Variants in WT1 observed in about 807,000 individuals in gnomAD.
The protein encoded by WT1 is WT1 transcription factor, also known as Wilms tumor protein.
Under a neutral mutation model 60.8 loss-of-function variants are expected in WT1, and 8 were observed. That is an observed-to-expected ratio of 0.13 (90% CI 0.08 to 0.24). The LOEUF (loss-of-function observed/expected upper bound fraction) is 0.24, where lower values mean the gene tolerates loss of function less well. Among genes scored for constraint, WT1 ranks in the 10% least tolerant of loss-of-function variants. WT1 has a pLI of 1.00. For missense variants in WT1, 568 were observed against 711.8 expected (o/e 0.80, Z 2.30); for synonymous variants, 312 against 297.1 (o/e 1.05, Z -0.52).
chr11:32,430,491 A>AGAGAGAGAGAGAGGGAGG lies in WT1; in HGVS notation c.662-1873_662-1872insCCTCCCTCTCTCTCTCTC, dbSNP rs757737927. ...GAGAGAGAGAGAGAGAGAGAGAGAG[A>AGAGAGAGAGAGAGGGAGG]CGAAATAGAAGCTACGAAGAAGTTT... On this transcript the variant is annotated intron_variant, in intron 1 of 9. Coordinates refer to ENST00000452863, the MANE Select transcript of WT1 (RefSeq NM_024426.6). 3 of 1,527,770 alleles carry AGAGAGAGAGAGAGGGAGG rather than the reference A, an allele frequency of 2.0e-6. No individual in the cohort carries two copies. The African/African-American group carries it at 4.4e-5, about 22-fold the overall frequency. The allele number at this position is 1,527,770 out of a possible 1,614,324, so 94.6% of individuals were successfully genotyped here. A position where few individuals can be genotyped will look rare whatever the true frequency, so the allele number is the denominator to read the frequency against.
chr11:32,388,702 T>C lies in WT1; in HGVS notation c.*356A>G. 2.6e-6 allele frequency: 1 copy of C among 387,614 alleles called. No individual in the cohort carries two copies. Among genetic ancestry groups the C allele is most frequent in the Non-Finnish European group, 4.8e-6 (1 of 209,624 alleles). The allele number at this position is 387,614 out of a possible 1,614,324, so 24.0% of individuals were successfully genotyped here. On this transcript the variant is annotated 3_prime_UTR_variant, in exon 10 of 10. Coordinates refer to ENST00000452863, the MANE Select transcript of WT1 (RefSeq NM_024426.6). ...CCATGATAGAAAATGGTACAATAAT[T>C]CCATCCCCAGCGAAAACGAGCATAA...
chr11:32,433,307 G>T (rs994747347), intron 1 of WT1, among the ~76,000 whole-genome samples: 1 of 152,226 alleles, frequency 6.6e-6, no homozygotes, highest in Non-Finnish European at 1.5e-5. Context: ...TTCCTCCACA[G>T]GACAGTGATC....
intron 5 of WT1, among the ~76,000 whole-genome samples, chr11:32,411,982 A>G (rs975207751): frequency 6.6e-6 from 1 of 152,228 alleles, no homozygotes; most frequent in African/African-American, 2.4e-5. Context: ...GGCAATGCTG[A>G]TATTCACAGA....
chr11:32,424,937 C>T (rs543108908), intron 3 of WT1, among the ~76,000 whole-genome samples: 7 of 152,194 alleles, frequency 4.6e-5, no homozygotes, highest in Non-Finnish European at 8.8e-5. Flanking sequence ...CAGCACTTTT[C>T]GAGGCCAAGG....
intron 1 of WT1, among the ~76,000 whole-genome samples, chr11:32,431,815 A>G (rs1853322658): frequency 6.6e-6 from 1 of 151,920 alleles, no homozygotes; most frequent in Non-Finnish European, 1.5e-5. Flanking sequence ...ACCCCCACAC[A>G]TGGACTAAGA....
At chr11:32,428,402 C>T (rs1853135672) in intron 2 of WT1, 95 bp downstream of exon 2, 6 of 1,592,676 alleles carry the variant, frequency 3.8e-6, no homozygotes, top group South Asian at 2.2e-5. Context: ...AGATGTCCTC[C>T]TTTGCCTAAT....
At position 32,432,670 on chromosome 11, in the gene WT1, C is replaced by T. The variant is rs139888846; in HGVS notation, c.661+2030G>A. Reference sequence around the variant, plus strand: ...TTTAACTTTTTCTCCATGGCAGCCACGCCTGTATATTACAGAAGAATCCAG... The same window carrying T: ...TTTAACTTTTTCTCCATGGCAGCCATGCCTGTATATTACAGAAGAATCCAG... On this transcript the variant is annotated intron_variant, in intron 1 of 9. Coordinates refer to ENST00000452863, the MANE Select transcript of WT1 (RefSeq NM_024426.6). 3.6e-3 allele frequency among the ~76,000 whole-genome samples: 550 copies of T among 152,232 alleles called. 3 individuals are homozygous for T. Among genetic ancestry groups the T allele is most frequent in the African/African-American group, 0.013 (528 of 41,546 alleles).
intron 3 of WT1, among the ~76,000 whole-genome samples, chr11:32,422,591 G>C (rs765864965): frequency 3.3e-5 from 5 of 152,198 alleles, no homozygotes; most frequent in Non-Finnish European, 7.3e-5. Flanking sequence ...GCCAACCCAA[G>C]TGGTAGATCG....
chr11:32,430,005 A>G (rs563140991), intron 1 of WT1, among the ~76,000 whole-genome samples: 2 of 151,524 alleles, frequency 1.3e-5, no homozygotes, highest in Non-Finnish European at 2.9e-5. Flanking sequence ...AAAGAAAAAA[A>G]AAAAGCTTCT....
chr11:32,428,693 A>G (rs2133076803), intron 1 of WT1, 74 bp from the exon 2 acceptor site: 2 of 1,534,540 alleles, frequency 1.3e-6, no homozygotes, highest in Non-Finnish European at 1.7e-6. Flanking sequence ...TGAACCAGCC[A>G]CGGGCGGGGG....
At chr11:32,404,995 G>A (rs1389374678) in intron 5 of WT1, among the ~76,000 whole-genome samples, 2 of 152,074 alleles carry the variant, frequency 1.3e-5, no homozygotes, top group African/African-American at 2.4e-5. Context: ...TATTCTCCAT[G>A]AATTTCCCGG....
chr11:32,433,806 C>G (rs1275239863), intron 1 of WT1, among the ~76,000 whole-genome samples: 1 of 152,240 alleles, frequency 6.6e-6, no homozygotes, highest in African/African-American at 2.4e-5. Context: ...TGTATCCTGA[C>G]TAAGCACAGC....
chr11:32,401,986 C>A (rs1413027242), intron 5 of WT1, among the ~76,000 whole-genome samples: 2 of 152,144 alleles, frequency 1.3e-5, no homozygotes, highest in African/African-American at 4.8e-5. Flanking sequence ...CAGCCCACTC[C>A]ATCTGGTGTG....
intron 3 of WT1, among the ~76,000 whole-genome samples, chr11:32,423,178 C>G (rs1319837841): frequency 6.6e-6 from 1 of 152,238 alleles, no homozygotes; most frequent in African/African-American, 2.4e-5. Context: ...GACAGAAGAA[C>G]TTTTCCCTGG....
Position 32,435,375 on chromosome 11 carries a change from G to A in WT1, c.-15C>T. Reference sequence around the variant, plus strand: ...AGGAAGTCCAGGATCGCGGCGAGGAGACGGCGGGGCCCGGGCGCCTGGGCT... The same window carrying A: ...AGGAAGTCCAGGATCGCGGCGAGGAAACGGCGGGGCCCGGGCGCCTGGGCT... On this transcript the variant is annotated 5_prime_UTR_variant, in exon 1 of 10. Coordinates refer to ENST00000452863, the MANE Select transcript of WT1 (RefSeq NM_024426.6). 3 of 1,524,286 alleles carry A rather than the reference G, an allele frequency of 2.0e-6. No individual in the cohort carries two copies. The highest frequency in any genetic ancestry group is 2.6e-6 in the Non-Finnish European group (3 of 1,140,122). The allele number at this position is 1,524,286 out of a possible 1,614,324, so 94.4% of individuals were successfully genotyped here. A position where few individuals can be genotyped will look rare whatever the true frequency, so the allele number is the denominator to read the frequency against.
At position 32,425,419 on chromosome 11, in the gene WT1, AT is replaced by A. The variant is rs377019805; in HGVS notation, c.887+2536del. Among the ~76,000 whole-genome samples the A allele has an allele frequency of 3.8e-4, 58 of 152,300 alleles. 1 individual carries two copies. The East Asian group carries it at 9.8e-3, about 26-fold the overall frequency. ...TGTTAAGCAATTAAAGTTTAGTCCT[AT>A]TTTTTATGCTTCTTCAACCATTACA... On this transcript the variant is annotated intron_variant, in intron 3 of 9. Transcript: ENST00000452863.
chr11:32,424,227 C>T (rs1029232659), intron 3 of WT1, among the ~76,000 whole-genome samples: 7 of 151,178 alleles, frequency 4.6e-5, no homozygotes, highest in Non-Finnish European at 1.0e-4. Flanking sequence ...GGGAATCCTG[C>T]GTGGTCTGGT....
rs537627910 is a variant in WT1, at chr11:32,424,696, A to T, written c.887+3260T>A. Among the ~76,000 whole-genome samples, 62 of 152,322 alleles carry T rather than the reference A, an allele frequency of 4.1e-4. 1 individual carries two copies. Among genetic ancestry groups the T allele is most frequent in the Non-Finnish European group, 6.8e-4 (46 of 68,038 alleles). On this transcript the variant is annotated intron_variant, in intron 3 of 9. Coordinates refer to ENST00000452863, the MANE Select transcript of WT1 (RefSeq NM_024426.6). ...ATTCACTGTTGTTCATAGCCACAAC[A>T]AATATATATGCAGCTGCAACTCCTC...
intron 5 of WT1, among the ~76,000 whole-genome samples, chr11:32,404,296 A>T (rs891507712): frequency 6.6e-6 from 1 of 151,496 alleles, no homozygotes; most frequent in Non-Finnish European, 1.5e-5. Flanking sequence ...AAAAGATTTC[A>T]AACAGTTTTC....
Sources: gnomAD v4.1 joint callset for allele counts (sites outside exome capture counted in the v4.1 genomes callset) on GRCh38, gnomAD v4.1.1 for gene constraint, MANE v1.5 for transcripts, NCBI Gene and HGNC (gene_info 2026-07-23, HGNC 2026-07-21) for gene names.